Variants in SMYD3 observed in about 807,000 individuals in gnomAD.
SMYD3 encodes histone-lysine N-methyltransferase SMYD3.
Under a neutral mutation model 57.7 loss-of-function variants are expected in SMYD3, and 36 were observed. The observed-to-expected ratio is 0.62, with a 90% CI of 0.48 to 0.82. SMYD3 has a LOEUF of 0.82. Among genes scored for constraint, SMYD3 ranks in the 40% least tolerant of loss-of-function variants. SMYD3 has a pLI of 0.00. For synonymous variants in SMYD3, 211 were observed against 195.0 expected (o/e 1.08, Z -0.68); for missense variants, 515 against 538.8 (o/e 0.96, Z 0.44).
chr1:246,164,344 C>T (rs1458201584), intron 5 of SMYD3, among the ~76,000 whole-genome samples: 1 of 152,136 alleles, frequency 6.6e-6, no homozygotes, highest in African/African-American at 2.4e-5. Flanking sequence ...CACTTGAACC[C>T]GGGAGGCGGA....
intron 10 of SMYD3, among the ~76,000 whole-genome samples, chr1:245,788,046 G>A (rs1390122354): frequency 6.6e-6 from 1 of 152,194 alleles, no homozygotes; most frequent in Non-Finnish European, 1.5e-5. Flanking sequence ...AAGGAGAATG[G>A]TGAGCAGATT....
At chr1:246,441,747 G>A (rs1476708951) in intron 1 of SMYD3, among the ~76,000 whole-genome samples, 1 of 152,148 alleles carries the variant, frequency 6.6e-6, no homozygotes, top group African/African-American at 2.4e-5. Context: ...AAGTAGCCGA[G>A]ACCACAGGCA....
chr1:246,001,728 C>A (rs2059050231), intron 5 of SMYD3, among the ~76,000 whole-genome samples: 1 of 152,206 alleles, frequency 6.6e-6, no homozygotes, highest in African/African-American at 2.4e-5. Flanking sequence ...GGGGTCATTG[C>A]CCTGGCTGAT....
At chr1:246,309,431 T>G (rs1020913569) in intron 5 of SMYD3, among the ~76,000 whole-genome samples, 1 of 152,132 alleles carries the variant, frequency 6.6e-6, no homozygotes, top group Non-Finnish European at 1.5e-5. Context: ...CTCCAATACA[T>G]CAAACATGTC....
chr1:246,282,305 C>CAAAAAAA (rs57740230), intron 5 of SMYD3, among the ~76,000 whole-genome samples: 37 of 67,922 alleles, frequency 5.4e-4, no homozygotes, highest in East Asian at 1.2e-3. Context: ...CTCATCTCTA[C>CAAAAAAA]AAAAAAAAAA....
In SMYD3 at chr1:246,227,343, C is replaced by G. The variant is rs534365056; in HGVS notation, c.531+99858G>C. On this transcript the variant is annotated intron_variant, in intron 5 of 11. Coordinates refer to ENST00000490107, the MANE Select transcript of SMYD3 (RefSeq NM_001167740.2). ...TAAAGAAGACAACTTTGGCCGGGTG[C>G]GGCGGCTCACGCCTGTAATCCCAGC... 3.3e-5 allele frequency among the ~76,000 whole-genome samples: 5 copies of G among 152,176 alleles called. No individual in the cohort carries two copies. The South Asian group carries it at 8.3e-4, about 25-fold the overall frequency.
In SMYD3 at chr1:246,386,899, A is replaced by G. The variant is rs555515652; in HGVS notation, c.165-31805T>C. 3.9e-5 allele frequency among the ~76,000 whole-genome samples: 6 copies of G among 152,292 alleles called. No individual in the cohort carries two copies. The East Asian group carries it at 1.2e-3, about 29-fold the overall frequency. On this transcript the variant is annotated intron_variant, in intron 1 of 11. Transcript: ENST00000490107. Reference sequence around the variant, plus strand: ...ATGTTATACTTTCTGATATAAAAAAAAAAAACCTTTTTGTGCACAGAATAT... The same window carrying G: ...ATGTTATACTTTCTGATATAAAAAAGAAAAACCTTTTTGTGCACAGAATAT...
intron 1 of SMYD3, among the ~76,000 whole-genome samples, chr1:246,481,433 TTCTC>T (rs149763470): frequency 6.8e-6 from 1 of 147,596 alleles, no homozygotes; most frequent in East Asian, 2.0e-4. Flanking sequence ...AAAGGGTGAA[TTCTC>T]TCTCTCTCTC....
At chr1:246,228,708 T>C (rs2063366966) in intron 5 of SMYD3, among the ~76,000 whole-genome samples, 2 of 152,232 alleles carry the variant, frequency 1.3e-5, no homozygotes, top group Admixed American at 1.3e-4. Context: ...TGCTATTCCT[T>C]TCTGTATAAG....
At chr1:246,089,575 C>A (rs555542736) in intron 5 of SMYD3, among the ~76,000 whole-genome samples, 13 of 152,246 alleles carry the variant, frequency 8.5e-5, no homozygotes, top group African/African-American at 3.1e-4. Flanking sequence ...TCTTCACAAA[C>A]CTTCACAGAA....
At chr1:245,919,114 C>T (rs540125493) in intron 7 of SMYD3, among the ~76,000 whole-genome samples, 1 of 152,330 alleles carries the variant, frequency 6.6e-6, no homozygotes, top group East Asian at 1.9e-4. Flanking sequence ...CAATGGCTTT[C>T]TAACTGGCTT....
chr1:246,143,618 T>G (rs1489802851), intron 5 of SMYD3, among the ~76,000 whole-genome samples: 1 of 152,194 alleles, frequency 6.6e-6, no homozygotes, highest in South Asian at 2.1e-4. Flanking sequence ...CAGTGATCCA[T>G]GATTGTGTCA....
intron 5 of SMYD3, among the ~76,000 whole-genome samples, chr1:246,174,525 C>T (rs1323134294): frequency 6.6e-6 from 1 of 152,172 alleles, no homozygotes; most frequent in Non-Finnish European, 1.5e-5. Flanking sequence ...AAGCCCACTG[C>T]AGCCTCTGCC....
At chr1:246,247,074 G>A (rs1020800125) in intron 5 of SMYD3, among the ~76,000 whole-genome samples, 3 of 152,088 alleles carry the variant, frequency 2.0e-5, no homozygotes, top group Non-Finnish European at 4.4e-5. Context: ...GAATGTTACA[G>A]AATTGTAAAC....
chr1:245,920,081 AG>A lies in SMYD3; in HGVS notation c.703-4442del, dbSNP rs1460480770. The stretch of plus-strand genomic sequence containing the variant: ...GTAATCCCAGCACTTTGGGAGGCCA[AG>A]GCGGTAGGATCACGAGGTCAGGAGA... On this transcript the variant is annotated intron_variant, in intron 7 of 11. Coordinates refer to ENST00000490107, the MANE Select transcript of SMYD3 (RefSeq NM_001167740.2). 4.6e-5 allele frequency among the ~76,000 whole-genome samples: 7 copies of A among 152,296 alleles called. No homozygotes were observed. In the South Asian group the frequency reaches 1.5e-3, roughly 32 times the overall value.
At chr1:245,863,602 G>T (rs370752353) in intron 9 of SMYD3, among the ~76,000 whole-genome samples, 197 bp downstream of exon 9, 1 of 152,168 alleles carries the variant, frequency 6.6e-6, no homozygotes, top group Admixed American at 6.5e-5. Context: ...TATTCACGCT[G>T]ATTTTGCCAC....
At chr1:245,781,363 G>A (rs1475100382) in intron 10 of SMYD3, among the ~76,000 whole-genome samples, 2 of 152,170 alleles carry the variant, frequency 1.3e-5, no homozygotes, top group African/African-American at 4.8e-5. Flanking sequence ...GCTAGAAAAT[G>A]GCAGAGCTAT....
At chr1:246,194,328 T>TAC (rs1445934818) in intron 5 of SMYD3, among the ~76,000 whole-genome samples, 7 of 151,750 alleles carry the variant, frequency 4.6e-5, no homozygotes, top group African/African-American at 1.7e-4. Flanking sequence ...AGTGCAGTAG[T>TAC]GCGATCTCAG....
intron 5 of SMYD3, among the ~76,000 whole-genome samples, chr1:246,146,200 C>T (rs895168070): frequency 6.6e-6 from 1 of 152,138 alleles, no homozygotes; most frequent in African/African-American, 2.4e-5. Context: ...TAAAGGTGCA[C>T]CATGCAGGAA....
Sources: gnomAD v4.1 joint callset for allele counts (sites outside exome capture counted in the v4.1 genomes callset) on GRCh38, gnomAD v4.1.1 for gene constraint, MANE v1.5 for transcripts, NCBI Gene and HGNC (gene_info 2026-07-23, HGNC 2026-07-21) for gene names.